The following CAP1 variants were observed in gnomAD, a reference collection of about 807,000 sequenced individuals.
CAP1 encodes cyclase associated actin cytoskeleton regulatory protein 1.
CAP1 carries 11 observed loss-of-function variants against 58.2 expected under a neutral mutation model. The ratio of observed to expected loss-of-function variants is 0.19; its 90% CI spans 0.12 to 0.31. The LOEUF is 0.31. Among genes scored for constraint, CAP1 ranks in the 10% least tolerant of loss-of-function variants. The probability of loss-of-function intolerance (pLI) is 1.00; values close to 1 mark genes in which losing one functional copy is unlikely to be tolerated. For synonymous variants in CAP1, 183 were observed against 213.8 expected (o/e 0.86, Z 1.26); for missense variants, 423 against 587.5 (o/e 0.72, Z 2.89).
chr1:40,064,682 C>T (rs1006836346), intron 6 of CAP1, 123 bp downstream of exon 6: 2 of 732,334 alleles, frequency 2.7e-6, no homozygotes, highest in Non-Finnish European at 2.4e-6. Flanking sequence ...CTCAAACAAT[C>T]CTCCCACCTC....
intron 8 of CAP1, 92 bp downstream of exon 8, chr1:40,067,809 C>A: frequency 1.1e-6 from 1 of 917,194 alleles, no homozygotes; most frequent in Non-Finnish European, 1.7e-6. Context: ...ACAACCCTGG[C>A]TTGTGTGGTG....
intron 1 of CAP1, among the ~76,000 whole-genome samples, chr1:40,050,165 T>A (rs1646290167): frequency 1.3e-5 from 2 of 152,172 alleles, no homozygotes; most frequent in South Asian, 4.2e-4. Flanking sequence ...TTTTACAAGA[T>A]GATTTCTAGA....
intron 2 of CAP1, 32 bp downstream of exon 2, chr1:40,059,490 C>G: frequency 6.1e-6 from 8 of 1,309,998 alleles, no homozygotes; most frequent in Non-Finnish European, 8.8e-6. Context: ...AGAATGCTTT[C>G]TTTGAGCGTC....
intron 1 of CAP1, among the ~76,000 whole-genome samples, chr1:40,050,557 G>A (rs1268400133): frequency 6.6e-6 from 1 of 151,822 alleles, no homozygotes; most frequent in Non-Finnish European, 1.5e-5. Context: ...TACTCGGGAG[G>A]CTGAGGCAGG....
intron 1 of CAP1, among the ~76,000 whole-genome samples, chr1:40,049,793 C>G (rs1442223696): frequency 2.0e-5 from 3 of 152,166 alleles, no homozygotes; most frequent in Non-Finnish European, 4.4e-5. Flanking sequence ...TGCCACAACC[C>G]ATTTCTGCCT....
intron 1 of CAP1, among the ~76,000 whole-genome samples, chr1:40,049,649 A>G (rs538853850): frequency 2.1e-4 from 32 of 152,154 alleles, no homozygotes; most frequent in Non-Finnish European, 4.0e-4. Flanking sequence ...ATTTGCAAAC[A>G]TTATCTCCAG....
intron 7 of CAP1, among the ~76,000 whole-genome samples, chr1:40,066,655 A>T (rs1647099555): frequency 6.6e-6 from 1 of 152,208 alleles, no homozygotes; most frequent in Admixed American, 6.5e-5. Flanking sequence ...CAAATCACCA[A>T]GCCAAATGCT....
intron 3 of CAP1, 84 bp from the exon 4 acceptor site, chr1:40,061,651 A>G: frequency 9.1e-7 from 1 of 1,095,834 alleles, no homozygotes; most frequent in Non-Finnish European, 1.4e-6. Context: ...ATCAGAGTAC[A>G]TGGAAGTAGA....
chr1:40,048,588 T>G (rs1344236094), intron 1 of CAP1, among the ~76,000 whole-genome samples: 1 of 152,070 alleles, frequency 6.6e-6, no homozygotes, highest in Non-Finnish European at 1.5e-5. Context: ...TTATAAAATA[T>G]TATATGTTAA....
chr1:40,040,581 T>G (rs1053738013), upstream of CAP1: 5 of 152,678 alleles, frequency 3.3e-5, no homozygotes, highest in Non-Finnish European at 5.9e-5. Context: ...GCCGGGCCGC[T>G]CTCTCCGGGG....
chr1:40,068,489 C>T (rs944430642), intron 8 of CAP1, among the ~76,000 whole-genome samples: 3 of 151,376 alleles, frequency 2.0e-5, no homozygotes, highest in Non-Finnish European at 2.9e-5. Flanking sequence ...TGTTGGTCAG[C>T]CTGGTCTCAA....
At chr1:40,046,466 A>C (rs1262138405) in intron 1 of CAP1, among the ~76,000 whole-genome samples, 2 of 41,928 alleles carry the variant, frequency 4.8e-5, no homozygotes, top group Non-Finnish European at 9.8e-5. Flanking sequence ...CCGTCTCAAA[A>C]AAACAAAACA....
intron 1 of CAP1, among the ~76,000 whole-genome samples, chr1:40,044,132 C>A (rs944560433): frequency 6.6e-6 from 1 of 152,016 alleles, no homozygotes; most frequent in South Asian, 2.1e-4. Context: ...TATTCTCACC[C>A]TTTTTCCTGG....
At chr1:40,050,198 G>C (rs188733942) in intron 1 of CAP1, among the ~76,000 whole-genome samples, 1 of 151,998 alleles carries the variant, frequency 6.6e-6, no homozygotes. Flanking sequence ...CTGAGAGCCA[G>C]TGAGTCGATA....
intron 1 of CAP1, among the ~76,000 whole-genome samples, chr1:40,041,999 C>T (rs1464683811): frequency 6.6e-6 from 1 of 152,106 alleles, no homozygotes; most frequent in Non-Finnish European, 1.5e-5. Context: ...AATCCGGGGG[C>T]ATATCAGCAC....
At chr1:40,070,100 G>C in intron 9 of CAP1, 59 bp from the exon 10 acceptor site, 1 of 1,608,350 alleles carries the variant, frequency 6.2e-7, no homozygotes, top group Non-Finnish European at 8.5e-7. Flanking sequence ...GGGATAGCCT[G>C]GTTATTTTTT....
intron 12 of CAP1, 84 bp from the exon 13 acceptor site, chr1:40,071,366 C>A: frequency 1.0e-6 from 1 of 953,328 alleles, no homozygotes; most frequent in Non-Finnish European, 1.7e-6. Flanking sequence ...TAAGTGGAAG[C>A]AAGCATTGGG....
chr1:40,047,863 G>A (rs1207058242), intron 1 of CAP1, among the ~76,000 whole-genome samples: 2 of 152,162 alleles, frequency 1.3e-5, no homozygotes, highest in Non-Finnish European at 2.9e-5. Context: ...CATGTGTAAG[G>A]AGGGAACAGG....
intron 6 of CAP1, among the ~76,000 whole-genome samples, chr1:40,065,283 C>T (rs906874821): frequency 5.3e-5 from 8 of 152,192 alleles, no homozygotes; most frequent in African/African-American, 1.9e-4. Flanking sequence ...GCAGGTATTA[C>T]GTAGGGCAGT....
Sources: gnomAD v4.1 joint callset for allele counts (sites outside exome capture counted in the v4.1 genomes callset) on GRCh38, gnomAD v4.1.1 for gene constraint, MANE v1.5 for transcripts, NCBI Gene and HGNC (gene_info 2026-07-23, HGNC 2026-07-21) for gene names.